MRPL2: variants seen among roughly 807,000 people sequenced by gnomAD.
MRPL2 encodes the protein large ribosomal subunit protein uL2m.
A neutral mutation model predicts 34.6 loss-of-function variants in MRPL2; 27 were observed. That is an observed-to-expected ratio of 0.78 (90% confidence interval 0.58 to 1.08). MRPL2 has a LOEUF of 1.08. Ranked by LOEUF, MRPL2 falls within the 50% of genes least tolerant of loss-of-function variation. The pLI is 0.00. For synonymous variants in MRPL2, 155 were observed against 158.0 expected (o/e 0.98, Z 0.14); for missense variants, 414 against 419.3 (o/e 0.99, Z 0.11).
intron 1 of MRPL2, 188 bp downstream of exon 1, chr6:43,059,098 C>G: frequency 5.9e-6 from 9 of 1,520,406 alleles, no homozygotes; most frequent in Non-Finnish European, 8.0e-6. Flanking sequence ...AGTATCTCGT[C>G]TGAAGAATTT....
chr6:43,057,910 A>G (rs1482520194), intron 2 of MRPL2, 155 bp downstream of exon 2: 7 of 737,326 alleles, frequency 9.5e-6, no homozygotes, highest in Non-Finnish European at 1.6e-5. Context: ...CTACTCTCTG[A>G]CTCCTGTACA....
At chr6:43,057,780 G>A (rs539718821) in intron 2 of MRPL2, 141 of 423,034 alleles carry the variant, frequency 3.3e-4, no homozygotes, top group African/African-American at 2.4e-3. Flanking sequence ...TACCCAGCCT[G>A]TTATAAATTT....
rs764426411 is a variant in MRPL2 at position 43,054,320 on chromosome 6, G to A, written c.872C>T (p.Pro291Leu). ...AGGCAGCTTCACGTAACTCTTCATG[G>A]GGGGTAGTGGCCGAATCTTTCGGCC... ...WAGRKIRPLP[P>L]MKSYVKLPSA... Residue 291 changes from proline to leucine, a missense_variant, in exon 7 of 7, where the codon CCC becomes CTC. Transcript: ENST00000388752. The A allele has an allele frequency of 1.9e-6, 3 of 1,613,652 alleles. No homozygotes were observed. Among genetic ancestry groups the A allele is most frequent in the Non-Finnish European group, 1.7e-6 (2 of 1,179,914 alleles).
chr6:43,059,495 C>T (rs1765019433), upstream of MRPL2: 9 of 1,447,582 alleles, frequency 6.2e-6, no homozygotes, highest in South Asian at 1.3e-4. Context: ...AACTGGAGCC[C>T]AAGCTGGATA....
Position 43,055,539 on chromosome 6 carries a change from A to AC in MRPL2, c.705+5dup. The AC allele has an allele frequency of 1.2e-6, 2 of 1,613,820 alleles. No individual in the cohort carries two copies. Among genetic ancestry groups the AC allele is most frequent in the Non-Finnish European group, 1.7e-6 (2 of 1,179,934 alleles). Reference sequence around the variant, plus strand: ...GCTGACCCCTCCCATCCATACCCATACACACCTGCATCTGCCTCTTAGAGG... The same window carrying AC: ...GCTGACCCCTCCCATCCATACCCATACCACACCTGCATCTGCCTCTTAGAGG... On this transcript the variant is annotated splice_donor_region_variant and intron_variant, in intron 6 of 6. Transcript: ENST00000388752.
chr6:43,054,205 C>T lies in MRPL2; in HGVS notation c.*69G>A, dbSNP rs58470539. On this transcript the variant is annotated 3_prime_UTR_variant, in exon 7 of 7. Transcript: ENST00000388752. ...AAACAACAACAAAAAAAACAAAAAA[C>T]ACCCAAAACAAAACCACAGTAACAG... 0.12 allele frequency: 136,465 copies of T among 1,120,344 alleles called. 14,558 individuals are homozygous for T. The highest frequency in any genetic ancestry group is 0.5 in the African/African-American group (29,897 of 59,450). The allele number at this position is 1,120,344 out of a possible 1,614,324, so 69.4% of individuals were successfully genotyped here.
chr6:43,057,737 C>G (rs1581987661), intron 2 of MRPL2: 2 of 358,222 alleles, frequency 5.6e-6, no homozygotes, highest in South Asian at 2.0e-4. Flanking sequence ...CCTCGGCCTC[C>G]CAAAATGCTG....
intron 2 of MRPL2, among the ~76,000 whole-genome samples, chr6:43,056,752 G>C (rs1346464270): frequency 6.6e-6 from 1 of 150,470 alleles, no homozygotes; most frequent in Admixed American, 6.6e-5. Flanking sequence ...TCGGCTCACT[G>C]CAAGCTCCGC....
At chr6:43,055,733 A>G in intron 5 of MRPL2, 115 bp from the exon 6 acceptor site, 3 of 1,332,930 alleles carry the variant, frequency 2.3e-6, no homozygotes, top group African/African-American at 1.5e-5. Context: ...GCAGATACAC[A>G]AAGAAGGACG....
Position 43,054,203 on chromosome 6 carries a change from A to C in MRPL2, c.*71T>G. ...AAAAACAACAACAAAAAAAACAAAAAACACCCAAAACAAAACCACAGTAAC... is the reference window on the plus strand; with the variant it reads ...AAAAACAACAACAAAAAAAACAAAACACACCCAAAACAAAACCACAGTAAC... On this transcript the variant is annotated 3_prime_UTR_variant, in exon 7 of 7. Transcript: ENST00000388752. The C allele has an allele frequency of 1.7e-6, 2 of 1,187,192 alleles. No homozygotes were observed. Among genetic ancestry groups the C allele is most frequent in the South Asian group, 1.5e-5 (1 of 67,636 alleles). The allele number at this position is 1,187,192 out of a possible 1,614,324, so 73.5% of individuals were successfully genotyped here. A position where few individuals can be genotyped will look rare whatever the true frequency, so the allele number is the denominator to read the frequency against.
At chr6:43,055,403 C>T in intron 6 of MRPL2, 142 bp downstream of exon 6, 1 of 761,000 alleles carries the variant, frequency 1.3e-6, no homozygotes, top group Non-Finnish European at 2.2e-6. Context: ...CAAAGCACAC[C>T]TGAGTCATGT....
In MRPL2 at chr6:43,056,381, C is replaced by T; in HGVS notation, c.330G>A (p.Leu110=). 6.2e-7 allele frequency: 1 copy of T among 1,614,172 alleles called. No individual in the cohort carries two copies. The highest frequency in any genetic ancestry group is 1.1e-5 in the South Asian group (1 of 91,086). Reference sequence around the variant, plus strand: ...ACTTGGTCTCCTCAGGCCGGAAACGCAGAAAGTCAATCATTCGATAACGTT... The same window carrying T: ...ACTTGGTCTCCTCAGGCCGGAAACGTAGAAAGTCAATCATTCGATAACGTT... The part of the protein sequence containing the change: ...HKQRYRMIDF[L]RFRPEETKSG... The change falls in exon 3 of 7, where the codon CTG becomes CTA. Residue 110 remains leucine (L), a synonymous_variant. Transcript: ENST00000388752.
chr6:43,059,354 G>A lies in MRPL2; in HGVS notation c.28C>T (p.Leu10=). 1.9e-6 allele frequency: 3 copies of A among 1,552,502 alleles called. No homozygotes were observed. Among genetic ancestry groups the A allele is most frequent in the Non-Finnish European group, 2.6e-6 (3 of 1,147,700 alleles). The change falls in exon 1 of 7, where the codon CTG becomes TTG. Residue 10 remains leucine (L), a synonymous_variant. Coordinates refer to ENST00000388752, the MANE Select transcript of MRPL2 (RefSeq NM_015950.5). MALCALTRA[L]RSLNLAPPTV... ...GGGGGCGCCAGGTTCAGAGAGCGCA[G>A]AGCGCGGGTCAGTGCGCACAGGGCC...
Position 43,055,993 on chromosome 6 carries a change from C to T in MRPL2, c.535G>A (p.Gly179Arg), listed in dbSNP as rs145145776. The T allele has an allele frequency of 8.2e-4, 1,329 of 1,614,166 alleles. 1 individual carries two copies. Among genetic ancestry groups the T allele is most frequent in the Non-Finnish European group, 8.4e-4 (990 of 1,180,030 alleles). The change falls in exon 5 of 7, where the codon GGG becomes AGG. Residue 179 changes from glycine (G) to arginine (R), a missense_variant. Physicochemically the swap from Gly to Arg is moderately radical, Grantham distance 125. Coordinates refer to ENST00000388752, the MANE Select transcript of MRPL2 (RefSeq NM_015950.5). ...AGAGCCCCAAGAGGATGCGCATCCC[C>T]TTCCCGAGCAGCAACTAAAAGACAG... Reference protein sequence around the residue: ...IGRMAVAAREGDAHPLGALPV... With the variant: ...IGRMAVAARERDAHPLGALPV...
chr6:43,057,249 C>T (rs1200454363), intron 2 of MRPL2, among the ~76,000 whole-genome samples: 4 of 152,054 alleles, frequency 2.6e-5, no homozygotes, highest in African/African-American at 7.2e-5. Context: ...GGTGCGATCT[C>T]GGCTCACTGC....
At chr6:43,054,702 C>A (rs139503253) in intron 6 of MRPL2, among the ~76,000 whole-genome samples, 35 of 152,306 alleles carry the variant, frequency 2.3e-4, no homozygotes, top group African/African-American at 8.2e-4. Flanking sequence ...CTTTGGGAGG[C>A]CAAGGCTGGA....
intron 2 of MRPL2, chr6:43,057,654 GT>G (rs1199947760): frequency 9.9e-6 from 2 of 201,020 alleles, no homozygotes; most frequent in Non-Finnish European, 2.0e-5. Flanking sequence ...AATTTTTAAA[GT>G]TTTAGTAGAG....
intron 6 of MRPL2, 135 bp from the exon 7 acceptor site, chr6:43,054,621 A>C: frequency 1.4e-6 from 1 of 690,592 alleles, no homozygotes; most frequent in South Asian, 1.9e-5. Context: ...AAGATGGCTG[A>C]CACTAAGTGA....
In MRPL2 at chr6:43,054,198, CAAA is replaced by C. The variant is rs1288739533; in HGVS notation, c.*73_*75del. The C allele has an allele frequency of 1.9e-6, 2 of 1,062,258 alleles. No individual in the cohort carries two copies. Among genetic ancestry groups the C allele is most frequent in the Non-Finnish European group, 2.7e-6 (2 of 751,358 alleles). 65.8% of individuals were successfully genotyped at this position (1,062,258 alleles called of 1,614,324 possible). A position where few individuals can be genotyped will look rare whatever the true frequency, so the allele number is the denominator to read the frequency against. ...AAAAAAAAAACAACAACAAAAAAAA[CAAA>C]AAACACCCAAAACAAAACCACAGTA... On this transcript the variant is annotated 3_prime_UTR_variant, in exon 7 of 7. Transcript: ENST00000388752.
Sources: gnomAD v4.1 joint callset for allele counts (sites outside exome capture counted in the v4.1 genomes callset) on GRCh38, gnomAD v4.1.1 for gene constraint, MANE v1.5 for transcripts, NCBI Gene and HGNC (gene_info 2026-07-23, HGNC 2026-07-21) for gene names.